FAAH2: variants seen among roughly 807,000 people sequenced by gnomAD.
FAAH2 encodes the protein fatty-acid amide hydrolase 2.
In FAAH2, 60 loss-of-function variants were observed where a neutral mutation model predicts 36.9. That is an observed-to-expected ratio of 1.63 (90% CI 1.32 to 2.02). FAAH2 has a LOEUF of 2.02. Among genes scored for constraint, FAAH2 ranks in the 30% most tolerant of loss-of-function variants. The pLI, the probability that FAAH2 is intolerant of heterozygous loss-of-function variation, is 0.00. For synonymous variants in FAAH2, 214 were observed against 143.8 expected, an observed-to-expected ratio of 1.49 and a Z score of -3.49; for missense variants, 689 against 397.5, an observed-to-expected ratio of 1.73 and a Z score of -6.23.
chrX:57,331,920 A>G lies in FAAH2; in HGVS notation c.622+113A>G, dbSNP rs931125256. On this transcript the variant is annotated intron_variant, in intron 4 of 10. Coordinates refer to ENST00000374900, the MANE Select transcript of FAAH2 (RefSeq NM_174912.4). ...TCTATGACCTATAAGAATGGATGCA[A>G]AAACCCAGGATATTTGTGTGTTGAT... The G allele has an allele frequency of 7.0e-6, 5 of 719,103 alleles. No homozygotes were observed. In the African/African-American group the frequency reaches 1.1e-4, roughly 16 times the overall value. The allele number at this position is 719,103 out of a possible 1,213,427, so 59.3% of individuals were successfully genotyped here. A position where few individuals can be genotyped will look rare whatever the true frequency, so the allele number is the denominator to read the frequency against.
the FAAH2 span, among the ~76,000 whole-genome samples, chrX:57,273,116 ATC>A: frequency 8.9e-6 from 1 of 111,930 alleles, no homozygotes; most frequent in Non-Finnish European, 1.9e-5. Flanking sequence ...TGCAGTCCTA[ATC>A]TCTGATAAAA....
chrX:57,280,343 CT>C, the FAAH2 span, among the ~76,000 whole-genome samples: 1 of 110,591 alleles, frequency 9.0e-6, no homozygotes, highest in Non-Finnish European at 1.9e-5. Context: ...CACCTTTTGA[CT>C]TTAATTAAAA....
In FAAH2 at chrX:57,488,879, G is replaced by T; in HGVS notation, c.1546G>T (p.Ala516Ser). Reference sequence around the variant, plus strand: ...TAATGATCATCTGACCCTGGCTGTGGCCCAGTACTTGGAGAAAACTTTTGG... The same window carrying T: ...TAATGATCATCTGACCCTGGCTGTGTCCCAGTACTTGGAGAAAACTTTTGG... Reference protein sequence around the residue: ...PFNDHLTLAVAQYLEKTFGGW... With the variant: ...PFNDHLTLAVSQYLEKTFGGW... Residue 516 changes from alanine to serine, a missense_variant, in exon 11 of 11, where the codon GCC becomes TCC. Coordinates refer to ENST00000374900, the MANE Select transcript of FAAH2 (RefSeq NM_174912.4). 8.3e-7 allele frequency: 1 copy of T among 1,210,882 alleles called. No individual in the cohort carries two copies.
At chrX:57,468,934 G>A (rs979159360) in intron 10 of FAAH2, among the ~76,000 whole-genome samples, 4 of 111,631 alleles carry the variant, frequency 3.6e-5, no homozygotes, top group Non-Finnish European at 7.5e-5. Context: ...AGAGAGTGGG[G>A]GCCAATTTTC....
the FAAH2 span, among the ~76,000 whole-genome samples, chrX:57,133,745 C>A: frequency 7.2e-5 from 8 of 111,793 alleles, no homozygotes; most frequent in African/African-American, 2.6e-4. Flanking sequence ...ATGAAAAAAA[C>A]CTGGCAGCTG....
the FAAH2 span, among the ~76,000 whole-genome samples, chrX:57,194,617 G>A: frequency 4.1e-4 from 45 of 109,727 alleles, no homozygotes; most frequent in Middle Eastern, 4.7e-3. Flanking sequence ...GGTTTTTGAG[G>A]AGCAGGTGAT....
intron 7 of FAAH2, among the ~76,000 whole-genome samples, chrX:57,398,633 C>A (rs1218935074): frequency 1.8e-5 from 2 of 110,315 alleles, no homozygotes; most frequent in Non-Finnish European, 3.8e-5. Context: ...GTTGTCGCTG[C>A]CGGCTCAAAT....
chrX:57,445,963 C>A (rs1447031149), intron 8 of FAAH2, among the ~76,000 whole-genome samples: 1 of 112,569 alleles, frequency 8.9e-6, no homozygotes, highest in East Asian at 2.8e-4. Flanking sequence ...TGTTAGTCAG[C>A]TAGTGGTGGA....
intron 7 of FAAH2, 54 bp from the exon 8 acceptor site, chrX:57,431,864 T>A (rs2056310436): frequency 9.7e-7 from 1 of 1,030,544 alleles, no homozygotes. Flanking sequence ...CACTCTTCAG[T>A]AGTATCTCCT....
chrX:57,431,873 C>T, intron 7 of FAAH2, 45 bp from the exon 8 acceptor site: 1 of 1,062,444 alleles, frequency 9.4e-7, no homozygotes, highest in Non-Finnish European at 1.2e-6. Flanking sequence ...GTAGTATCTC[C>T]TCTTCTCATC....
intron 3 of FAAH2, among the ~76,000 whole-genome samples, chrX:57,325,024 A>T (rs2053168028): frequency 8.9e-6 from 1 of 111,975 alleles, no homozygotes; most frequent in Non-Finnish European, 1.9e-5. Context: ...ATCAATACCT[A>T]ATTTATTGAG....
At chrX:57,181,444 C>T in the FAAH2 span, among the ~76,000 whole-genome samples, 1 of 111,152 alleles carries the variant, frequency 9.0e-6, no homozygotes, top group African/African-American at 3.3e-5. Context: ...ATACCACCAA[C>T]AGCCAAGCCA....
At chrX:57,454,041 G>A (rs753418406) in intron 10 of FAAH2, among the ~76,000 whole-genome samples, 3 of 111,099 alleles carry the variant, frequency 2.7e-5, no homozygotes, top group Non-Finnish European at 3.8e-5. Context: ...AAGCCCAGGA[G>A]CCATCTAGGT....
At chrX:57,254,662 T>C in the FAAH2 span, among the ~76,000 whole-genome samples, 3 of 111,630 alleles carry the variant, frequency 2.7e-5, no homozygotes, top group African/African-American at 6.5e-5. Context: ...AAAAATTTGC[T>C]CCTGAATGAC....
chrX:57,134,467 G>A, the FAAH2 span: 2 of 110,736 alleles, frequency 1.8e-5, no homozygotes, highest in Non-Finnish European at 3.8e-5. Flanking sequence ...TCGTTGGTCG[G>A]AGCCACCTAT....
intron 10 of FAAH2, among the ~76,000 whole-genome samples, chrX:57,480,256 AT>A (rs1434094132): frequency 1.8e-5 from 2 of 111,854 alleles, no homozygotes; most frequent in African/African-American, 6.5e-5. Flanking sequence ...TTCCTAACTC[AT>A]TTTATGGGGC....
intron 10 of FAAH2, among the ~76,000 whole-genome samples, chrX:57,461,504 A>G (rs1483267570): frequency 8.9e-6 from 1 of 111,737 alleles, no homozygotes; most frequent in Non-Finnish European, 1.9e-5. Context: ...AACTCACTCA[A>G]AACCACACAA....
the FAAH2 span, among the ~76,000 whole-genome samples, chrX:57,223,009 C>T: frequency 8.9e-6 from 1 of 112,149 alleles, no homozygotes; most frequent in African/African-American, 3.2e-5. Context: ...AGCTCTCACT[C>T]TAGCAGCCAG....
chrX:57,312,219 G>A (rs1207710809), intron 3 of FAAH2, among the ~76,000 whole-genome samples: 1 of 112,505 alleles, frequency 8.9e-6, no homozygotes, highest in Non-Finnish European at 1.9e-5. Context: ...TGCATACTAA[G>A]GGAAATACAG....
Sources: gnomAD v4.1 joint callset for allele counts (sites outside exome capture counted in the v4.1 genomes callset) on GRCh38, gnomAD v4.1.1 for gene constraint, MANE v1.5 for transcripts, NCBI Gene and HGNC (gene_info 2026-07-23, HGNC 2026-07-21) for gene names.